Variants in TENM2 observed in about 807,000 individuals in gnomAD.
TENM2 encodes the protein teneurin transmembrane protein 2.
In TENM2, 52 loss-of-function variants were observed where a neutral mutation model predicts 245.2. The observed-to-expected ratio is 0.21, with a 90% confidence interval of 0.17 to 0.27. The LOEUF (loss-of-function observed/expected upper bound fraction) is 0.27, where lower values mean the gene tolerates loss of function less well. Ranked by LOEUF, TENM2 falls within the 10% of genes least tolerant of loss-of-function variation. The pLI is 1.00. For missense variants in TENM2, 3,046 were observed against 3,666.8 expected, an observed-to-expected ratio of 0.83 and a Z score of 4.37; for synonymous variants, 1,363 against 1,438.9, an observed-to-expected ratio of 0.95 and a Z score of 1.19.
At chr5:168,088,137 A>G (rs1214274475) in intron 7 of TENM2, 2 of 152,156 alleles carry the variant, frequency 1.3e-5, no homozygotes, top group African/African-American at 2.4e-5. Context: ...GTAATGAGCA[A>G]TGGCCCCACA....
exon 21 of TENM2, chr5:168,215,255 C>A (rs1020788335): frequency 1.3e-5 from 21 of 1,613,646 alleles, no homozygotes; most frequent in Non-Finnish European, 1.8e-5. Context: ...ATAGATGCAA[C>A]CCTGATGAGC....
Position 168,090,778 on chromosome 5 carries a change from G to T in TENM2, c.1711+9G>T. The T allele has an allele frequency of 6.2e-7, 1 of 1,611,108 alleles. No homozygotes were observed. Among genetic ancestry groups the T allele is most frequent in the South Asian group, 1.1e-5 (1 of 90,916 alleles). On this transcript the variant is annotated intron_variant, in intron 8 of 28. Coordinates refer to ENST00000518659, the Ensembl canonical transcript of TENM2. ...CAATACTGTTGTCCTAGGTAGGTGT[G>T]GGGTCTCTGAGATGGTACGCCATGA...
chr5:167,505,792 A>G (rs773402317), intron 2 of TENM2, among the ~76,000 whole-genome samples: 2 of 152,188 alleles, frequency 1.3e-5, no homozygotes, highest in Non-Finnish European at 2.9e-5. Flanking sequence ...CTAGTGTGAC[A>G]TTGTATGAAG....
chr5:167,958,834 T>C (rs2151874085), intron 4 of TENM2, among the ~76,000 whole-genome samples: 1 of 151,844 alleles, frequency 6.6e-6, no homozygotes, highest in South Asian at 2.1e-4. Flanking sequence ...TTGTAGCGTG[T>C]CTGCAGAGAG....
chr5:167,036,316 A>G, the TENM2 span, among the ~76,000 whole-genome samples: 105 of 152,274 alleles, frequency 6.9e-4, 3 homozygotes, highest in South Asian at 0.02. Context: ...ATAAATTTGG[A>G]AAGAGATGAA....
At chr5:167,167,443 CA>C in the TENM2 span, among the ~76,000 whole-genome samples, 1 of 152,136 alleles carries the variant, frequency 6.6e-6, no homozygotes, top group African/African-American at 2.4e-5. Context: ...GTCATAAACT[CA>C]GCTCCGGATC....
chr5:168,157,246 G>T (rs73389248), intron 12 of TENM2, among the ~76,000 whole-genome samples: 8,059 of 152,184 alleles, frequency 0.053, 303 homozygotes, highest in African/African-American at 0.1. Context: ...AGGAAAGGCC[G>T]AGTGGCTTAA....
intron 9 of TENM2, among the ~76,000 whole-genome samples, chr5:168,102,151 G>T (rs1479630205): frequency 6.6e-6 from 1 of 152,158 alleles, no homozygotes; most frequent in East Asian, 1.9e-4. Context: ...TCGGCTCACC[G>T]CAACCTCCGC....
chr5:167,275,693 C>A, the TENM2 span, among the ~76,000 whole-genome samples: 2 of 152,042 alleles, frequency 1.3e-5, no homozygotes, highest in Non-Finnish European at 2.9e-5. Flanking sequence ...TTGATTTTTA[C>A]ATTTTTATCT....
the TENM2 span, among the ~76,000 whole-genome samples, chr5:167,008,749 G>A: frequency 1.3e-5 from 2 of 152,084 alleles, no homozygotes; most frequent in South Asian, 4.1e-4. Context: ...TGTTTCTAAG[G>A]AAACATCCAC....
chr5:167,780,025 G>A (rs1198726494), intron 2 of TENM2, among the ~76,000 whole-genome samples: 1 of 152,178 alleles, frequency 6.6e-6, no homozygotes, highest in Non-Finnish European at 1.5e-5. Flanking sequence ...TAGAGAGAAG[G>A]GAGAAGTTCC....
chr5:168,068,095 G>C (rs1196268255), intron 7 of TENM2, among the ~76,000 whole-genome samples: 1 of 152,094 alleles, frequency 6.6e-6, no homozygotes, highest in Admixed American at 6.6e-5. Flanking sequence ...CCTAACAGGA[G>C]ACAGGAACTG....
At chr5:167,476,200 CA>C (rs899719922) in intron 2 of TENM2, among the ~76,000 whole-genome samples, 1 of 152,132 alleles carries the variant, frequency 6.6e-6, no homozygotes, top group African/African-American at 2.4e-5. Flanking sequence ...TTCGGTCTTA[CA>C]AAAATTCCAT....
At chr5:168,012,873 T>G (rs781603385) in intron 5 of TENM2, among the ~76,000 whole-genome samples, 2 of 150,292 alleles carry the variant, frequency 1.3e-5, no homozygotes, top group Admixed American at 6.6e-5. Flanking sequence ...AACCCTGGCA[T>G]CGTTTCTGCT....
chr5:167,383,268 A>G (rs1215773040), intron 2 of TENM2, among the ~76,000 whole-genome samples: 1 of 152,156 alleles, frequency 6.6e-6, no homozygotes, highest in Non-Finnish European at 1.5e-5. Flanking sequence ...TTTGTAGCAT[A>G]TAGTTTTGGG....
intron 2 of TENM2, among the ~76,000 whole-genome samples, chr5:167,668,003 T>C (rs938097803): frequency 6.6e-6 from 1 of 152,214 alleles, no homozygotes; most frequent in Admixed American, 6.5e-5. Flanking sequence ...AAATAAGATA[T>C]TGATCTTTCA....
chr5:167,098,870 C>T, the TENM2 span, among the ~76,000 whole-genome samples: 4 of 152,190 alleles, frequency 2.6e-5, no homozygotes, highest in East Asian at 1.9e-4. Context: ...AACCTAGTCT[C>T]TTTGCGTTAG....
chr5:167,936,271 A>G (rs894504120), intron 3 of TENM2, among the ~76,000 whole-genome samples: 5 of 152,262 alleles, frequency 3.3e-5, no homozygotes, highest in African/African-American at 9.6e-5. Context: ...AGCTTTGTAC[A>G]GTGAAACCAT....
At chr5:167,623,503 T>A (rs2127774959) in intron 2 of TENM2, among the ~76,000 whole-genome samples, 1 of 152,310 alleles carries the variant, frequency 6.6e-6, no homozygotes, top group African/African-American at 2.4e-5. Flanking sequence ...GTCTGAATGC[T>A]ACATCGCAGC....
Sources: allele counts gnomAD v4.1 joint callset (sites outside exome capture counted in the v4.1 genomes callset), GRCh38; gene constraint gnomAD v4.1.1; transcripts MANE v1.5; gene names NCBI Gene and HGNC (gene_info 2026-07-23, HGNC 2026-07-21).